CUL1: variants seen among roughly 807,000 people sequenced by gnomAD.
The protein encoded by CUL1 is cullin-1.
A neutral mutation model predicts 118.0 loss-of-function variants in CUL1; 24 were observed. The observed-to-expected ratio is 0.20, with a 90% CI of 0.15 to 0.29. CUL1 has a LOEUF of 0.29. CUL1 is among the 10% of genes least tolerant of loss of function. The pLI, the probability that CUL1 is intolerant of heterozygous loss-of-function variation, is 1.00. For synonymous variants in CUL1, 332 were observed against 340.4 expected, an observed-to-expected ratio of 0.98 and a Z score of 0.27; for missense variants, 361 against 933.8, an observed-to-expected ratio of 0.39 and a Z score of 7.99.
chr7:148,743,208 G>C (rs1392791875), intron 2 of CUL1, among the ~76,000 whole-genome samples: 3 of 152,128 alleles, frequency 2.0e-5, no homozygotes, highest in Non-Finnish European at 2.9e-5. Flanking sequence ...TGGTGAATGT[G>C]CCATGTACTC....
intron 3 of CUL1, among the ~76,000 whole-genome samples, chr7:148,755,660 G>T (rs1253549139): frequency 6.6e-6 from 1 of 152,140 alleles, no homozygotes; most frequent in Non-Finnish European, 1.5e-5. Flanking sequence ...ATTGTGCTAA[G>T]TAAAAAGGTT....
intron 6 of CUL1, 125 bp from the exon 7 acceptor site, chr7:148,760,208 T>TA: frequency 1.4e-6 from 1 of 699,042 alleles, no homozygotes; most frequent in Non-Finnish European, 2.3e-6. Flanking sequence ...AAGAGTTACT[T>TA]ATGTCCTGCC....
intron 2 of CUL1, among the ~76,000 whole-genome samples, chr7:148,751,491 C>G (rs2129460266): frequency 7.3e-6 from 1 of 137,792 alleles, no homozygotes; most frequent in South Asian, 2.4e-4. Flanking sequence ...GCCGAGATTA[C>G]ATCACTGCAC....
chr7:148,748,472 A>G (rs568980485), intron 2 of CUL1, among the ~76,000 whole-genome samples: 147 of 152,376 alleles, frequency 9.6e-4, no homozygotes, highest in African/African-American at 3.5e-3. Flanking sequence ...ACAGGTTACC[A>G]GGAATATAAT....
intron 2 of CUL1, among the ~76,000 whole-genome samples, chr7:148,742,455 T>A (rs1213626489): frequency 6.6e-6 from 1 of 152,160 alleles, no homozygotes; most frequent in Non-Finnish European, 1.5e-5. Context: ...GCTTTCATGG[T>A]TTGGTTATCT....
chr7:148,770,818 A>G (rs569103391), intron 9 of CUL1, among the ~76,000 whole-genome samples: 12 of 152,240 alleles, frequency 7.9e-5, no homozygotes, highest in African/African-American at 2.9e-4. Flanking sequence ...AATAGGTTTT[A>G]GTTTTTATCA....
chr7:148,715,814 C>A (rs1397188753), intron 1 of CUL1, among the ~76,000 whole-genome samples: 2 of 152,186 alleles, frequency 1.3e-5, no homozygotes, highest in Non-Finnish European at 2.9e-5. Flanking sequence ...CATCTTCTTT[C>A]TAGTTTCAGG....
chr7:148,725,553 C>G (rs1368777239), intron 1 of CUL1, among the ~76,000 whole-genome samples: 1 of 152,148 alleles, frequency 6.6e-6, no homozygotes, highest in Admixed American at 6.5e-5. Flanking sequence ...TTTTCTCTGC[C>G]CCGTCTGCTT....
intron 1 of CUL1, among the ~76,000 whole-genome samples, chr7:148,723,743 C>T (rs10260277): frequency 0.026 from 3,792 of 148,420 alleles, 120 homozygotes; most frequent in African/African-American, 0.078. Context: ...AACCAGTGTG[C>T]GATTGATCCC....
rs183368849 is a variant in CUL1 at position 148,781,173 on chromosome 7, C to T, written c.1084-2610C>T. 3.5e-3 allele frequency among the ~76,000 whole-genome samples: 526 copies of T among 149,568 alleles called. 6 individuals are homozygous for T. The highest frequency in any genetic ancestry group is 0.023 in the South Asian group (107 of 4,696). On this transcript the variant is annotated intron_variant, in intron 9 of 21. Coordinates refer to ENST00000325222, the MANE Select transcript of CUL1 (RefSeq NM_003592.3). ...CTCGGCTCACTGCATCCTCCATCTC[C>T]CGGTTCAAGCGATTCTCCTGCCTCA...
At chr7:148,741,292 T>C (rs555238132) in intron 2 of CUL1, among the ~76,000 whole-genome samples, 1 of 152,370 alleles carries the variant, frequency 6.6e-6, no homozygotes, top group East Asian at 1.9e-4. Flanking sequence ...GGTCAGATGG[T>C]AACTGTGTGT....
At chr7:148,798,375 C>T (rs1400952134) in intron 19 of CUL1, among the ~76,000 whole-genome samples, 197 bp from the exon 20 acceptor site, 5 of 151,950 alleles carry the variant, frequency 3.3e-5, no homozygotes, top group East Asian at 3.9e-4. Context: ...TGTTAATGGC[C>T]GAGTAGGAAA....
At chr7:148,775,993 A>T (rs1009653812) in intron 9 of CUL1, among the ~76,000 whole-genome samples, 1 of 152,178 alleles carries the variant, frequency 6.6e-6, no homozygotes, top group African/African-American at 2.4e-5. Context: ...TTAAAAAATG[A>T]GTCATTTATT....
chr7:148,746,991 A>G (rs1799328021), intron 2 of CUL1, among the ~76,000 whole-genome samples: 1 of 152,228 alleles, frequency 6.6e-6, no homozygotes, highest in Non-Finnish European at 1.5e-5. Context: ...ATTAGGAGCA[A>G]TGCTGTGATA....
At chr7:148,759,407 T>G (rs902971488) in intron 5 of CUL1, 53 bp downstream of exon 5, 21 of 1,586,992 alleles carry the variant, frequency 1.3e-5, no homozygotes, top group Admixed American at 8.4e-5. Context: ...CTTCGCAGTT[T>G]CGTTGCTTAG....
At chr7:148,726,850 A>AAAAT (rs1554464088) in intron 1 of CUL1, among the ~76,000 whole-genome samples, 1 of 148,602 alleles carries the variant, frequency 6.7e-6, no homozygotes, top group Non-Finnish European at 1.5e-5. Context: ...AAAAAAAAAA[A>AAAAT]TTTTTTTTTA....
rs561068358 is a variant in CUL1, at chr7:148,800,268, G to C, written c.2251-234G>C. On this transcript the variant is annotated intron_variant, in intron 21 of 21. Transcript: ENST00000325222. This position sits in a 1 kb window ranked among gnomAD's most constrained non-coding sequence, Gnocchi z 4.6. Reference sequence around the variant, plus strand: ...AGCACCTGACTCCAGTTCCTAGGGCGGGTGCAGGAGGGACTCGGAGTCACC... The same window carrying C: ...AGCACCTGACTCCAGTTCCTAGGGCCGGTGCAGGAGGGACTCGGAGTCACC... Among the ~76,000 whole-genome samples the C allele has an allele frequency of 6.6e-6, 1 of 152,314 alleles. No homozygotes were observed. The highest frequency in any genetic ancestry group is 6.5e-5 in the Admixed American group (1 of 15,310).
intron 16 of CUL1, 80 bp from the exon 17 acceptor site, chr7:148,792,646 A>C: frequency 1.1e-6 from 1 of 901,392 alleles, no homozygotes; most frequent in Middle Eastern, 2.2e-4. Flanking sequence ...AAGTTCTTCA[A>C]ACTTGGGCTG....
At position 148,757,148 on chromosome 7, in the gene CUL1, T is replaced by G; in HGVS notation, c.481T>G (p.Ser161Ala). 6.7e-7 allele frequency: 1 copy of G among 1,501,544 alleles called. No homozygotes were observed. Among genetic ancestry groups the G allele is most frequent in the Non-Finnish European group, 8.9e-7 (1 of 1,122,670 alleles). 93.0% of individuals were successfully genotyped at this position (1,501,544 alleles called of 1,614,324 possible). A position where few individuals can be genotyped will look rare whatever the true frequency, so the allele number is the denominator to read the frequency against. Residue 161 changes from serine to alanine, a missense_variant and splice_region_variant, in exon 4 of 22, where the codon TCG (serine) becomes GCG (alanine). Coordinates refer to ENST00000325222, the MANE Select transcript of CUL1 (RefSeq NM_003592.3). ...ACGAAAAGGAATATATGAAATCTAT[T>G]CGGTAAGAGTTTTGTTTTAAAACGT... is the stretch of plus-strand genomic sequence containing the variant. Reference protein sequence around the residue: ...EGRKGIYEIYSLALVTWRDCL... With the variant: ...EGRKGIYEIYALALVTWRDCL...
Sources: gnomAD v4.1 joint callset for allele counts (sites outside exome capture counted in the v4.1 genomes callset) on GRCh38, gnomAD v4.1.1 for gene constraint, Gnocchi (gnomAD v3.1) non-coding constraint, MANE v1.5 for transcripts, NCBI Gene and HGNC (gene_info 2026-07-23, HGNC 2026-07-21) for gene names.